Variants in CSMD1 observed in about 807,000 individuals in gnomAD.
CSMD1 encodes the protein CUB and sushi domain-containing protein 1.
In CSMD1, 213 loss-of-function variants were observed where a neutral mutation model predicts 417.5. The ratio of observed to expected loss-of-function variants is 0.51; its 90% CI spans 0.46 to 0.57. CSMD1 has a LOEUF of 0.57. Among genes scored for constraint, CSMD1 ranks in the 20% least tolerant of loss-of-function variants. CSMD1 has a pLI of 0.00. For synonymous variants in CSMD1, 2,862 were observed against 1,736.8 expected (o/e 1.65, Z -16.11); for missense variants, 6,923 against 4,529.7 (o/e 1.53, Z -15.17).
At position 4,023,104 on chromosome 8, in the gene CSMD1, C is replaced by T. The variant is rs111834954; in HGVS notation, c.610+8801G>A. Among the ~76,000 whole-genome samples, 1,052 of 152,246 alleles carry T rather than the reference C, an allele frequency of 6.9e-3. 4 individuals carry two copies. Among genetic ancestry groups the T allele is most frequent in the Non-Finnish European group, 0.012 (810 of 68,020 alleles). ...CCTCATGGTTGAGCTTCAGCTAATG[C>T]AGTGGATGTACAGGAGATGCACTCT... On this transcript the variant is annotated intron_variant, in intron 4 of 69. Coordinates refer to ENST00000635120, the MANE Select transcript of CSMD1 (RefSeq NM_033225.6).
chr8:3,083,035 T>C (rs996502588), intron 49 of CSMD1, among the ~76,000 whole-genome samples: 1 of 152,138 alleles, frequency 6.6e-6, no homozygotes, highest in Non-Finnish European at 1.5e-5. Flanking sequence ...CCACGTGGAG[T>C]TCTAAACATT....
chr8:4,809,853 G>C (rs142103343), intron 1 of CSMD1, among the ~76,000 whole-genome samples: 1 of 152,148 alleles, frequency 6.6e-6, no homozygotes, highest in East Asian at 1.9e-4. Flanking sequence ...CAACTCAACA[G>C]CCACATGGGG....
At chr8:3,964,326 G>C (rs973931360) in intron 5 of CSMD1, among the ~76,000 whole-genome samples, 2 of 152,140 alleles carry the variant, frequency 1.3e-5, no homozygotes, top group African/African-American at 2.4e-5. Context: ...AAGTCTCATT[G>C]TGTCACCGTG....
intron 5 of CSMD1, among the ~76,000 whole-genome samples, chr8:3,794,848 T>C (rs1221519098): frequency 7.0e-6 from 1 of 142,718 alleles, no homozygotes; most frequent in African/African-American, 2.5e-5. Context: ...AGGAAGCCCA[T>C]ATCCGGGATC....
rs188826966 is a variant in CSMD1, at chr8:4,602,152, C to T, written c.302+35190G>A. Among the ~76,000 whole-genome samples, 384 of 152,270 alleles carry T rather than the reference C, an allele frequency of 2.5e-3. 3 individuals carry two copies. Among genetic ancestry groups the T allele is most frequent in the African/African-American group, 8.6e-3 (356 of 41,560 alleles). ...TGCTCCCCCAGTTCCCTAAGGTGAA[C>T]TGGCTTAATGTAAAAAATTAATTCC... On this transcript the variant is annotated intron_variant, in intron 2 of 69. Transcript: ENST00000635120.
At chr8:3,474,066 G>C (rs11993057) in intron 11 of CSMD1, among the ~76,000 whole-genome samples, 4 of 152,236 alleles carry the variant, frequency 2.6e-5, no homozygotes, top group African/African-American at 7.2e-5. Flanking sequence ...GGGGATTATA[G>C]AGATTACAAT....
At chr8:4,613,939 C>G (rs1801329597) in intron 2 of CSMD1, among the ~76,000 whole-genome samples, 2 of 148,590 alleles carry the variant, frequency 1.3e-5, no homozygotes, top group African/African-American at 4.9e-5. Flanking sequence ...GAGAAGTTTT[C>G]TTTTGTATTG....
intron 5 of CSMD1, among the ~76,000 whole-genome samples, chr8:3,879,530 C>G (rs1563171150): frequency 6.6e-6 from 1 of 152,156 alleles, no homozygotes; most frequent in South Asian, 2.1e-4. Flanking sequence ...TGTAGCTCCT[C>G]CCCCGCTACA....
chr8:4,609,893 A>T (rs1181178866), intron 2 of CSMD1, among the ~76,000 whole-genome samples: 1 of 152,188 alleles, frequency 6.6e-6, no homozygotes, highest in Non-Finnish European at 1.5e-5. Context: ...GGATATTTTC[A>T]AAAAGAAGGA....
chr8:3,341,514 G>A lies in CSMD1; in HGVS notation c.3631+1780C>T, dbSNP rs138262875. Among the ~76,000 whole-genome samples, 23 of 152,244 alleles carry A rather than the reference G, an allele frequency of 1.5e-4. No homozygotes were observed. In the East Asian group the frequency reaches 3.3e-3, roughly 22 times the overall value. On this transcript the variant is annotated intron_variant, in intron 23 of 69. Transcript: ENST00000635120. ...GGAAACGTAATGAGAAATAACACACGAGCTGAGCACAATGTGTTTTTTGTG... is the reference window on the plus strand; with the variant it reads ...GGAAACGTAATGAGAAATAACACACAAGCTGAGCACAATGTGTTTTTTGTG...
intron 6 of CSMD1, among the ~76,000 whole-genome samples, chr8:3,741,426 T>C (rs989875831): frequency 2.0e-5 from 3 of 152,098 alleles, no homozygotes; most frequent in Non-Finnish European, 4.4e-5. Flanking sequence ...GCTTCTGAAG[T>C]TAATCATTTT....
intron 3 of CSMD1, among the ~76,000 whole-genome samples, chr8:4,339,881 C>G (rs760060677): frequency 2.2e-4 from 33 of 151,944 alleles, no homozygotes; most frequent in Non-Finnish European, 3.7e-4. Context: ...AAAAATTATT[C>G]TGGCATGGTG....
chr8:4,761,682 T>A (rs1294754014), intron 1 of CSMD1, among the ~76,000 whole-genome samples: 1 of 152,182 alleles, frequency 6.6e-6, no homozygotes, highest in Non-Finnish European at 1.5e-5. Flanking sequence ...AATAATTAGG[T>A]GTTTTTGCTC....
chr8:4,238,157 G>C (rs147415662), intron 3 of CSMD1, among the ~76,000 whole-genome samples: 2 of 152,266 alleles, frequency 1.3e-5, no homozygotes, highest in African/African-American at 2.4e-5. Context: ...TCCAGTCCTG[G>C]AATCCCAAAG....
At chr8:4,847,400 A>C (rs1416042583) in intron 1 of CSMD1, among the ~76,000 whole-genome samples, 1 of 152,210 alleles carries the variant, frequency 6.6e-6, no homozygotes, top group African/African-American at 2.4e-5. Context: ...CTTTTTCAAT[A>C]AATTTTAAAA....
chr8:3,483,913 A>T (rs1817882332), intron 11 of CSMD1, among the ~76,000 whole-genome samples: 1 of 152,206 alleles, frequency 6.6e-6, no homozygotes, highest in Non-Finnish European at 1.5e-5. Flanking sequence ...AATGCCAAAA[A>T]AGAAACATTT....
rs1204391510 is a variant in CSMD1 at position 4,884,551 on chromosome 8, A to G, written c.85+109781T>C. 8.5e-5 allele frequency among the ~76,000 whole-genome samples: 13 copies of G among 152,114 alleles called. 1 individual carries two copies. The Middle Eastern group carries it at 0.014, about 159-fold the overall frequency. On this transcript the variant is annotated intron_variant, in intron 1 of 69. Coordinates refer to ENST00000635120, the MANE Select transcript of CSMD1 (RefSeq NM_033225.6). ...GTCCTTTTTGAGTTAATTTTTGTATATTGAGATGGATTGGGCTTCGACTTC... is the reference window on the plus strand; with the variant it reads ...GTCCTTTTTGAGTTAATTTTTGTATGTTGAGATGGATTGGGCTTCGACTTC...
At chr8:4,237,653 C>A (rs773741485) in intron 3 of CSMD1, among the ~76,000 whole-genome samples, 1 of 151,998 alleles carries the variant, frequency 6.6e-6, no homozygotes, top group Non-Finnish European at 1.5e-5. Flanking sequence ...GTAGCTGAGA[C>A]TGGAGGTGTG....
In CSMD1 at chr8:3,090,312, A is replaced by G. The variant is rs1248273728; in HGVS notation, c.7285+1204T>C. 6.1e-5 allele frequency among the ~76,000 whole-genome samples: 3 copies of G among 48,784 alleles called. No homozygotes were observed. In the East Asian group the frequency reaches 2.1e-3, roughly 34 times the overall value. 32.0% of individuals were successfully genotyped at this position (48,784 alleles called of 152,430 possible). ...AGCCTGGGCAACAGAGCCAGACTGT[A>G]TTTCAAAAAAAAAAAAAAAAAAAAA... On this transcript the variant is annotated intron_variant, in intron 48 of 69. Transcript: ENST00000635120.
Sources: gnomAD v4.1 joint callset for allele counts (sites outside exome capture counted in the v4.1 genomes callset) on GRCh38, gnomAD v4.1.1 for gene constraint, MANE v1.5 for transcripts, NCBI Gene and HGNC (gene_info 2026-07-23, HGNC 2026-07-21) for gene names.